Variants in ARHGAP42 observed in about 807,000 individuals in gnomAD.
ARHGAP42 encodes the protein rho GTPase-activating protein 42.
Under a neutral mutation model 125.0 loss-of-function variants are expected in ARHGAP42, and 63 were observed. The ratio of observed to expected loss-of-function variants is 0.50; its 90% CI spans 0.41 to 0.62. The LOEUF (loss-of-function observed/expected upper bound fraction) is 0.62. Among genes scored for constraint, ARHGAP42 ranks in the 20% least tolerant of loss-of-function variants. ARHGAP42 has a pLI of 0.00. For missense variants in ARHGAP42, 766 were observed against 1,024.2 expected (o/e 0.75, Z 3.44); for synonymous variants, 339 against 351.0 (o/e 0.97, Z 0.38).
At chr11:100,786,790 G>T (rs1565213790) in intron 2 of ARHGAP42, among the ~76,000 whole-genome samples, 1 of 152,120 alleles carries the variant, frequency 6.6e-6, no homozygotes, top group South Asian at 2.1e-4. Flanking sequence ...CTCTTATGGG[G>T]CAAGTCCCTG....
At chr11:100,982,749 A>G (rs1010921433) in intron 22 of ARHGAP42, among the ~76,000 whole-genome samples, 7 of 152,346 alleles carry the variant, frequency 4.6e-5, no homozygotes, top group African/African-American at 1.7e-4. Context: ...TTCATTGTAA[A>G]CAATCAAATG....
At chr11:100,974,006 C>T (rs1858322221) in intron 18 of ARHGAP42, among the ~76,000 whole-genome samples, 1 of 152,140 alleles carries the variant, frequency 6.6e-6, no homozygotes, top group South Asian at 2.1e-4. Context: ...ATGGCTGTGT[C>T]CTGTAGCTCT....
At chr11:100,782,125 T>C (rs138651394) in intron 2 of ARHGAP42, among the ~76,000 whole-genome samples, 2 of 152,318 alleles carry the variant, frequency 1.3e-5, no homozygotes, top group East Asian at 3.9e-4. Flanking sequence ...AGCTGGAGTG[T>C]GAGGATTGAG....
At chr11:100,903,117 G>GCGCACACACACACACACACACACACACA (rs373508179) in intron 4 of ARHGAP42, among the ~76,000 whole-genome samples, 8 of 132,034 alleles carry the variant, frequency 6.1e-5, no homozygotes, top group Admixed American at 2.4e-4. Context: ...TCCAAGATGC[G>GCGCACACACACACACACACACACACACA]CACACACACA....
intron 3 of ARHGAP42, among the ~76,000 whole-genome samples, chr11:100,827,002 C>CTTTTTTTTTTTT (rs869260353): frequency 1.2e-5 from 1 of 80,886 alleles, no homozygotes; most frequent in Non-Finnish European, 2.3e-5. Context: ...GCCTTACATC[C>CTTTTTTTTTTTT]TTTTTTTTTT....
intron 23 of ARHGAP42, 122 bp downstream of exon 23, chr11:100,987,714 C>T (rs1467328106): frequency 2.3e-6 from 2 of 861,092 alleles, no homozygotes; most frequent in East Asian, 2.7e-5. Context: ...TCCTGCCTCT[C>T]ATAACGGGCA....
chr11:100,953,673 A>G (rs1327253579), intron 12 of ARHGAP42, among the ~76,000 whole-genome samples: 1 of 152,180 alleles, frequency 6.6e-6, no homozygotes, highest in Non-Finnish European at 1.5e-5. Context: ...TTTTCAAAGT[A>G]TGGATGCCAT....
In ARHGAP42 at chr11:100,976,319, A is replaced by G. The variant is rs569270; in HGVS notation, c.2118A>G (p.Ser706=). 0.46 allele frequency: 719,533 copies of G among 1,550,736 alleles called. 178,331 individuals carry two copies. The highest frequency in any genetic ancestry group is 1 in the East Asian group (40,795 of 40,896). ...DAESDCQSVA[S]VTSPGDVSPP... Reference sequence around the variant, plus strand: ...AATCAGACTGCCAGAGTGTTGCTTCAGTCACTAGCCCAGGAGACGTTTCCC... The same window carrying G: ...AATCAGACTGCCAGAGTGTTGCTTCGGTCACTAGCCCAGGAGACGTTTCCC... The change falls in exon 20 of 24, where the codon TCA becomes TCG. Residue 706 remains serine, a synonymous_variant. Transcript: ENST00000298815.
chr11:100,781,583 A>T (rs188406510), intron 2 of ARHGAP42, among the ~76,000 whole-genome samples: 27 of 152,306 alleles, frequency 1.8e-4, no homozygotes, highest in Admixed American at 1.6e-3. Flanking sequence ...TAGGTGCTGA[A>T]GATACATCAT....
intron 10 of ARHGAP42, among the ~76,000 whole-genome samples, chr11:100,944,580 C>G (rs1054309585): frequency 1.3e-5 from 2 of 151,638 alleles, no homozygotes; most frequent in Admixed American, 6.6e-5. Flanking sequence ...ACAGGCATAC[C>G]TCAGAGATAT....
At chr11:100,831,596 C>A (rs1254948771) in intron 3 of ARHGAP42, among the ~76,000 whole-genome samples, 1 of 152,172 alleles carries the variant, frequency 6.6e-6, no homozygotes, top group Non-Finnish European at 1.5e-5. Flanking sequence ...ATCCAAGCTA[C>A]TGCTACTGTA....
intron 2 of ARHGAP42, among the ~76,000 whole-genome samples, chr11:100,778,855 A>G (rs990621083): frequency 2.6e-5 from 4 of 152,154 alleles, no homozygotes; most frequent in Non-Finnish European, 4.4e-5. Context: ...TAACTGATGG[A>G]TAGACATTAA....
chr11:100,809,782 C>G (rs1276678312), intron 3 of ARHGAP42, among the ~76,000 whole-genome samples: 1 of 152,052 alleles, frequency 6.6e-6, no homozygotes, highest in Non-Finnish European at 1.5e-5. Flanking sequence ...TAGTGAAACC[C>G]TGTTTCTGCA....
chr11:100,808,275 T>G (rs1864046854), intron 3 of ARHGAP42, among the ~76,000 whole-genome samples: 1 of 152,214 alleles, frequency 6.6e-6, no homozygotes. Flanking sequence ...TAGAGTATAT[T>G]TATGCACTAC....
At position 100,976,812 on chromosome 11, in the gene ARHGAP42, T is replaced by G; in HGVS notation, c.2237-3T>G. On this transcript the variant is annotated splice_polypyrimidine_tract_variant and splice_region_variant and intron_variant, in intron 20 of 23. Transcript: ENST00000298815. The stretch of plus-strand genomic sequence containing the variant: ...TGCCTATTTTCTTGGGCTTTCTTTT[T>G]AGGAAACAAGAGCTACAGTGGATCT... The G allele has an allele frequency of 6.5e-7, 1 of 1,549,648 alleles. No homozygotes were observed. The highest frequency in any genetic ancestry group is 8.7e-7 in the Non-Finnish European group (1 of 1,146,522).
intron 4 of ARHGAP42, among the ~76,000 whole-genome samples, chr11:100,882,152 G>C (rs762332128): frequency 6.6e-6 from 1 of 152,158 alleles, no homozygotes; most frequent in Non-Finnish European, 1.5e-5. Context: ...GTGACAGTGG[G>C]CATCCTTGTC....
rs1207421703 is a variant in ARHGAP42, at chr11:100,990,661, T to G, written c.*1860T>G. The stretch of plus-strand genomic sequence containing the variant: ...TTCTTGGTCGAGGTCCTTGGTGACC[T>G]TAGTAGTAATAACAGCATTGCTGAC... On this transcript the variant is annotated 3_prime_UTR_variant, in exon 24 of 24. Transcript: ENST00000298815. 1 of 152,650 alleles carries G rather than the reference T, an allele frequency of 6.6e-6. No homozygotes were observed. The highest frequency in any genetic ancestry group is 1.9e-4 in the East Asian group (1 of 5,202). 9.5% of individuals were successfully genotyped at this position (152,650 alleles called of 1,614,324 possible).
At chr11:100,751,315 T>TGGAATGCAGG (rs1862451972) in intron 1 of ARHGAP42, among the ~76,000 whole-genome samples, 1 of 142,940 alleles carries the variant, frequency 7.0e-6, no homozygotes, top group Non-Finnish European at 1.5e-5. Flanking sequence ...GGAGCCTTGC[T>TGGAATGCAGG]CTGTTTCCAG....
intron 1 of ARHGAP42, among the ~76,000 whole-genome samples, chr11:100,748,325 GAGTTTCCATAT>G (rs1862354008): frequency 6.6e-6 from 1 of 152,136 alleles, no homozygotes; most frequent in South Asian, 2.1e-4. Flanking sequence ...GCTTCTACTA[GAGTTTCCATAT>G]CACTCTCTGA....
Sources: gnomAD v4.1 joint callset for allele counts (sites outside exome capture counted in the v4.1 genomes callset) on GRCh38, gnomAD v4.1.1 for gene constraint, MANE v1.5 for transcripts, NCBI Gene and HGNC (gene_info 2026-07-23, HGNC 2026-07-21) for gene names.